The following DOCK8 variants were observed in gnomAD, a reference collection of about 807,000 sequenced individuals.
DOCK8 encodes dedicator of cytokinesis 8, also known as dedicator of cytokinesis protein 8.
Under a neutral mutation model 245.6 loss-of-function variants are expected in DOCK8, and 141 were observed. The ratio of observed to expected loss-of-function variants is 0.57; its 90% CI spans 0.50 to 0.66. DOCK8 has a LOEUF of 0.66. DOCK8 is among the 30% of genes least tolerant of loss of function. The pLI, the probability that DOCK8 is intolerant of heterozygous loss-of-function variation, is 0.00. For missense variants in DOCK8, 2,965 were observed against 2,603.4 expected, an observed-to-expected ratio of 1.14 and a Z score of -3.02; for synonymous variants, 1,168 against 970.2, an observed-to-expected ratio of 1.20 and a Z score of -3.79.
Position 329,015 on chromosome 9 carries a change from T to C in DOCK8, c.1044+844T>C, listed in dbSNP as rs550391395. 2.9e-5 allele frequency among the ~76,000 whole-genome samples: 4 copies of C among 139,246 alleles called. No individual in the cohort carries two copies. In the East Asian group the frequency reaches 9.0e-4, roughly 31 times the overall value. 91.4% of individuals were successfully genotyped at this position (139,246 alleles called of 152,430 possible). A position where few individuals can be genotyped will look rare whatever the true frequency, so the allele number is the denominator to read the frequency against. On this transcript the variant is annotated intron_variant, in intron 9 of 47. Coordinates refer to ENST00000432829, the MANE Select transcript of DOCK8 (RefSeq NM_203447.4). ...CCCAGGCTGGAGTGCAGTGTCACCA[T>C]GTCGGCTCACTGCAACCTCCACCTC...
intron 10 of DOCK8, among the ~76,000 whole-genome samples, chr9:333,359 T>A (rs565226635): frequency 6.6e-6 from 1 of 152,172 alleles, no homozygotes; most frequent in Non-Finnish European, 1.5e-5. Flanking sequence ...CCCAGCACTT[T>A]GGGAGGCCAA....
At chr9:399,093 G>A (rs980594986) in intron 25 of DOCK8, 53 bp from the exon 26 acceptor site, 2 of 1,543,590 alleles carry the variant, frequency 1.3e-6, no homozygotes, top group Non-Finnish European at 1.8e-6. Context: ...TGACCTGGAA[G>A]TTCAAATCCA....
intron 9 of DOCK8, among the ~76,000 whole-genome samples, chr9:328,912 C>A (rs1273018921): frequency 6.8e-6 from 1 of 146,234 alleles, no homozygotes; most frequent in African/African-American, 2.5e-5. Context: ...TTTTACCTAC[C>A]TTAGGCCAGA....
In DOCK8 at chr9:386,340, C is replaced by A; in HGVS notation, c.2788C>A (p.Arg930Ser). 6.2e-7 allele frequency: 1 copy of A among 1,613,636 alleles called. No individual in the cohort carries two copies. Among genetic ancestry groups the A allele is most frequent in the South Asian group, 1.1e-5 (1 of 91,022 alleles). Reference sequence around the variant, plus strand: ...GGTTTGTGTATTTTAGATCGCCGATCGCAACTGCAGCCGAATGTCTTACTA... The same window carrying A: ...GGTTTGTGTATTTTAGATCGCCGATAGCAACTGCAGCCGAATGTCTTACTA... The part of the protein sequence containing the change: ...KNIMSSKIAD[R>S]NCSRMSYYCS... Residue 930 changes from arginine (R) to serine (S), a missense_variant, in exon 23 of 48, where the codon CGC becomes AGC. Physicochemically the swap from Arg to Ser is moderately radical, Grantham distance 110. Around this residue, in one of 3 missense-constraint regions of DOCK8, gnomAD observed 2,825 missense variants for 2,453.5 expected, o/e 1.15. Transcript: ENST00000432829.
At chr9:264,970 C>T (rs1445298599) in intron 1 of DOCK8, among the ~76,000 whole-genome samples, 1 of 152,160 alleles carries the variant, frequency 6.6e-6, no homozygotes, top group Non-Finnish European at 1.5e-5. Context: ...TCGCTCTTGT[C>T]CCCCAGGCTG....
At chr9:381,317 A>G (rs995003834) in intron 21 of DOCK8, 1 of 152,166 alleles carries the variant, frequency 6.6e-6, no homozygotes, top group African/African-American at 2.4e-5. Context: ...TCAGCTGAGA[A>G]TCTCTTTTTT....
At chr9:434,744 A>C in intron 38 of DOCK8, 39 bp from the exon 39 acceptor site, 3 of 1,605,810 alleles carry the variant, frequency 1.9e-6, no homozygotes, top group Non-Finnish European at 2.6e-6. Context: ...TCATTAACCC[A>C]CTGTCCTCAA....
At chr9:384,477 G>T (rs1463185154) in intron 22 of DOCK8, among the ~76,000 whole-genome samples, 2 of 152,192 alleles carry the variant, frequency 1.3e-5, no homozygotes, top group Non-Finnish European at 2.9e-5. Flanking sequence ...AAATCTGCAG[G>T]CCAGGGTTTG....
intron 31 of DOCK8, 24 bp from the exon 32 acceptor site, chr9:420,925 T>C (rs1007614092): frequency 6.2e-7 from 1 of 1,614,156 alleles, no homozygotes. Flanking sequence ...AAAGGACATG[T>C]CCTCCTACCT....
intron 1 of DOCK8, among the ~76,000 whole-genome samples, chr9:245,195 TA>T (rs1406508918): frequency 5.9e-5 from 9 of 152,244 alleles, no homozygotes; most frequent in Admixed American, 5.9e-4. Context: ...TATTTTCTTT[TA>T]TTTATTTATT....
intron 14 of DOCK8, among the ~76,000 whole-genome samples, chr9:340,965 A>C (rs1215607854): frequency 6.6e-6 from 1 of 152,194 alleles, no homozygotes; most frequent in African/African-American, 2.4e-5. Flanking sequence ...ATGTGACCAA[A>C]ATGTGCTAGT....
chr9:243,455 C>T (rs533264011), intron 1 of DOCK8, among the ~76,000 whole-genome samples: 6 of 152,248 alleles, frequency 3.9e-5, no homozygotes, highest in Admixed American at 1.3e-4. Flanking sequence ...TCCTCTGCTA[C>T]CAGTGAAATG....
At chr9:355,353 G>A (rs1174082703) in intron 14 of DOCK8, among the ~76,000 whole-genome samples, 1 of 151,940 alleles carries the variant, frequency 6.6e-6, no homozygotes, top group Non-Finnish European at 1.5e-5. Flanking sequence ...ACAGGCATGT[G>A]CCACCACGCC....
chr9:432,076 GTTGT>G (rs1048389281), intron 36 of DOCK8, 86 bp from the exon 37 acceptor site: 1 of 1,346,578 alleles, frequency 7.4e-7, no homozygotes, highest in African/African-American at 1.4e-5. Flanking sequence ...ACACTGAGGA[GTTGT>G]TTGTGTCTGG....
At chr9:341,377 A>G (rs964032014) in intron 14 of DOCK8, among the ~76,000 whole-genome samples, 2 of 152,174 alleles carry the variant, frequency 1.3e-5, no homozygotes, top group South Asian at 4.1e-4. Context: ...ATGCTCATGC[A>G]CTTCTTTATT....
chr9:251,972 C>CTTTTTTTTTTTTTTTTTT (rs34456943), intron 1 of DOCK8, among the ~76,000 whole-genome samples: 1 of 130,612 alleles, frequency 7.7e-6, no homozygotes, highest in Non-Finnish European at 1.6e-5. Context: ...ATTGTGTTTT[C>CTTTTTTTTTTTTTTTTTT]TTTTTTTTTT....
At chr9:419,512 G>C (rs763501920) in intron 30 of DOCK8, among the ~76,000 whole-genome samples, 1 of 152,198 alleles carries the variant, frequency 6.6e-6, no homozygotes, top group African/African-American at 2.4e-5. Flanking sequence ...TTGTGAGGTT[G>C]TATCTCAAGA....
rs1227911560 is a variant in DOCK8, at chr9:317,061, C to T, written c.760C>T (p.Arg254Cys). 6.2e-7 allele frequency: 1 copy of T among 1,613,524 alleles called. No individual in the cohort carries two copies. The highest frequency in any genetic ancestry group is 1.7e-5 in the Admixed American group (1 of 60,012). ...AAAATAGGAGGATGCTGTGGAAATA[C>T]GTCCAGTACCAGAATGTCCCAAGGA... ...SVDEEDAVEI[R>C]PVPECPKEHL... Residue 254 changes from arginine (R) to cysteine (C), a missense_variant, in exon 7 of 48, where the codon CGT becomes TGT. Arg to Cys is a radical substitution (Grantham distance 180, BLOSUM62 -3). Transcript: ENST00000432829.
intron 1 of DOCK8, among the ~76,000 whole-genome samples, chr9:269,807 T>C (rs909261530): frequency 1.3e-5 from 2 of 152,166 alleles, no homozygotes; most frequent in Admixed American, 1.3e-4. Flanking sequence ...ATCTGCCCAC[T>C]TCAGCCCCCC....
Sources: gnomAD v4.1 joint callset for allele counts (sites outside exome capture counted in the v4.1 genomes callset) on GRCh38, gnomAD v4.1.1 for gene constraint, gnomAD v4.1.1 regional missense constraint, MANE v1.5 for transcripts, NCBI Gene and HGNC (gene_info 2026-07-23, HGNC 2026-07-21) for gene names.